Variants in SETBP1 observed in about 807,000 individuals in gnomAD.
The protein encoded by SETBP1 is SET binding protein 1.
SETBP1 carries 9 observed loss-of-function variants against 101.0 expected under a neutral mutation model. The observed-to-expected ratio is 0.09, with a 90% CI of 0.05 to 0.16. The LOEUF (loss-of-function observed/expected upper bound fraction) is 0.16, where lower values mean the gene tolerates loss of function less well. Ranked by LOEUF, SETBP1 falls within the 10% of genes least tolerant of loss-of-function variation. The probability of loss-of-function intolerance (pLI) is 1.00; values close to 1 mark genes in which losing one functional copy is unlikely to be tolerated. For synonymous variants in SETBP1, 818 were observed against 788.5 expected, an observed-to-expected ratio of 1.04 and a Z score of -0.63; for missense variants, 1,858 against 2,033.8, an observed-to-expected ratio of 0.91 and a Z score of 1.66.
At chr18:44,910,311 G>A (rs934951581) in intron 3 of SETBP1, among the ~76,000 whole-genome samples, 6 of 152,206 alleles carry the variant, frequency 3.9e-5, no homozygotes, top group Non-Finnish European at 8.8e-5. Context: ...AAGAGATGGC[G>A]AAGGGGTGAG....
rs1225170510 is a variant in SETBP1 at position 45,066,295 on chromosome 18, C to G, written c.*2597C>G. 6.6e-6 allele frequency: 1 copy of G among 152,184 alleles called. No homozygotes were observed. Among genetic ancestry groups the G allele is most frequent in the Non-Finnish European group, 1.5e-5 (1 of 68,042 alleles). 9.4% of individuals were successfully genotyped at this position (152,184 alleles called of 1,614,324 possible). A position where few individuals can be genotyped will look rare whatever the true frequency, so the allele number is the denominator to read the frequency against. ...GTCATGTGAGTTAAATTCGAATCCT[C>G]TACTTGTATGACCCTAGGAATAGAT... On this transcript the variant is annotated 3_prime_UTR_variant, in exon 6 of 6. Transcript: ENST00000649279.
intron 1 of SETBP1, among the ~76,000 whole-genome samples, chr18:44,686,717 A>G (rs1598989211): frequency 6.6e-6 from 1 of 152,264 alleles, no homozygotes. Flanking sequence ...ATGAAGCAAC[A>G]CAGTGAGGGC....
intron 4 of SETBP1, among the ~76,000 whole-genome samples, chr18:44,976,064 G>C (rs2071978721): frequency 8.2e-6 from 1 of 121,840 alleles, no homozygotes; most frequent in Non-Finnish European, 1.7e-5. Flanking sequence ...TCGAGCTTTT[G>C]GGGAGGGATA....
At chr18:44,935,946 CAAA>C (rs2070946993) in intron 3 of SETBP1, among the ~76,000 whole-genome samples, 1 of 152,176 alleles carries the variant, frequency 6.6e-6, no homozygotes, top group Non-Finnish European at 1.5e-5. Flanking sequence ...TACCAATTCT[CAAA>C]GAGGAGACAA....
chr18:44,725,882 A>G (rs1348414507), intron 2 of SETBP1, among the ~76,000 whole-genome samples: 2 of 152,156 alleles, frequency 1.3e-5, no homozygotes, highest in African/African-American at 2.4e-5. Flanking sequence ...GTTTTAGACA[A>G]TTTCCTTTTT....
At chr18:44,991,357 T>A (rs2072374761) in intron 4 of SETBP1, among the ~76,000 whole-genome samples, 1 of 151,962 alleles carries the variant, frequency 6.6e-6, no homozygotes, top group Non-Finnish European at 1.5e-5. Flanking sequence ...AAGGCCAGAT[T>A]GGATCTTCAA....
At chr18:44,888,388 CTT>C (rs569454417) in intron 3 of SETBP1, among the ~76,000 whole-genome samples, 1 of 151,928 alleles carries the variant, frequency 6.6e-6, no homozygotes, top group East Asian at 1.9e-4. Flanking sequence ...TTGGAGGAGC[CTT>C]TTTTCAGGAT....
chr18:44,767,608 A>C (rs1286258102), intron 2 of SETBP1, among the ~76,000 whole-genome samples: 4 of 152,218 alleles, frequency 2.6e-5, no homozygotes, highest in Non-Finnish European at 5.9e-5. Flanking sequence ...AATTGCATTA[A>C]ATGTGATATG....
chr18:44,967,034 G>T (rs1471437555), intron 4 of SETBP1, among the ~76,000 whole-genome samples: 1 of 152,194 alleles, frequency 6.6e-6, no homozygotes, highest in African/African-American at 2.4e-5. Context: ...CAAAACAACA[G>T]ATTGGTATAG....
At chr18:44,913,395 T>C (rs559249112) in intron 3 of SETBP1, among the ~76,000 whole-genome samples, 4 of 152,194 alleles carry the variant, frequency 2.6e-5, no homozygotes, top group Non-Finnish European at 5.9e-5. Flanking sequence ...CCTGGCTACC[T>C]CTTATGGTTA....
rs1031581909 is a variant in SETBP1, at chr18:45,067,270, T to A, written c.*3572T>A. 1 of 152,238 alleles carries A rather than the reference T, an allele frequency of 6.6e-6. No homozygotes were observed. The highest frequency in any genetic ancestry group is 2.4e-5 in the African/African-American group (1 of 41,468). The allele number at this position is 152,238 out of a possible 1,614,324, so 9.4% of individuals were successfully genotyped here. A position where few individuals can be genotyped will look rare whatever the true frequency, so the allele number is the denominator to read the frequency against. On this transcript the variant is annotated 3_prime_UTR_variant, in exon 6 of 6. Coordinates refer to ENST00000649279, the MANE Select transcript of SETBP1 (RefSeq NM_015559.3). Reference sequence around the variant, plus strand: ...TTATAGTATAAGGTGATGTACTACATGCAGATCATAAAGGCTTTGGTTTTA... The same window carrying A: ...TTATAGTATAAGGTGATGTACTACAAGCAGATCATAAAGGCTTTGGTTTTA...
chr18:44,833,319 G>C (rs190326234), intron 2 of SETBP1, among the ~76,000 whole-genome samples: 2 of 152,240 alleles, frequency 1.3e-5, no homozygotes, highest in African/African-American at 4.8e-5. Context: ...TCTGGAGAAA[G>C]GGAGGCTTCT....
chr18:44,684,330 A>G (rs2068803059), intron 1 of SETBP1, among the ~76,000 whole-genome samples: 1 of 152,242 alleles, frequency 6.6e-6, no homozygotes, highest in Admixed American at 6.5e-5. Context: ...AGAAAACACC[A>G]GGATGTCCAC....
At chr18:44,889,192 C>T (rs534829736) in intron 3 of SETBP1, among the ~76,000 whole-genome samples, 1 of 152,148 alleles carries the variant, frequency 6.6e-6, no homozygotes, top group South Asian at 2.1e-4. Context: ...TTCTCTGATT[C>T]CTTCATTAAT....
chr18:44,760,475 T>G (rs1478243380), intron 2 of SETBP1, among the ~76,000 whole-genome samples: 3 of 152,220 alleles, frequency 2.0e-5, no homozygotes, highest in African/African-American at 7.2e-5. Context: ...CAACTGACCT[T>G]ATTTCTGTCA....
intron 1 of SETBP1, among the ~76,000 whole-genome samples, chr18:44,682,854 A>G (rs532904150): frequency 2.9e-4 from 44 of 152,208 alleles, no homozygotes; most frequent in African/African-American, 1.0e-3. Context: ...TTGGTGTTAG[A>G]CCTGGGCTGT....
intron 2 of SETBP1, among the ~76,000 whole-genome samples, chr18:44,852,369 G>A (rs1231151596): frequency 2.0e-5 from 3 of 152,136 alleles, no homozygotes; most frequent in Non-Finnish European, 4.4e-5. Context: ...GTGCCCCCAC[G>A]TTCTGCACCA....
chr18:44,801,570 G>A (rs1253707035), intron 2 of SETBP1, among the ~76,000 whole-genome samples: 1 of 152,168 alleles, frequency 6.6e-6, no homozygotes, highest in African/African-American at 2.4e-5. Flanking sequence ...AGGAGTATGT[G>A]TGTGCATGTG....
intron 4 of SETBP1, chr18:44,987,695 A>G (rs2072271178): frequency 6.6e-6 from 1 of 152,210 alleles, no homozygotes. Flanking sequence ...AAGATAAAGC[A>G]GTTTATTATC....
Sources: allele counts gnomAD v4.1 joint callset (sites outside exome capture counted in the v4.1 genomes callset), GRCh38; gene constraint gnomAD v4.1.1; transcripts MANE v1.5; gene names NCBI Gene and HGNC (gene_info 2026-07-23, HGNC 2026-07-21).